COL9A1: variants seen among roughly 807,000 people sequenced by gnomAD.
The protein encoded by COL9A1 is collagen type IX alpha 1 chain, also known as collagen alpha-1(IX) chain.
COL9A1 carries 104 observed loss-of-function variants against 142.6 expected under a neutral mutation model. The ratio of observed to expected loss-of-function variants is 0.73; its 90% CI spans 0.62 to 0.86. The LOEUF is 0.86. Ranked by LOEUF, COL9A1 falls within the 40% of genes least tolerant of loss-of-function variation. The probability of loss-of-function intolerance (pLI) is 0.00; values close to 1 mark genes in which losing one functional copy is unlikely to be tolerated. For synonymous variants in COL9A1, 466 were observed against 396.0 expected, an observed-to-expected ratio of 1.18 and a Z score of -2.10; for missense variants, 1,210 against 1,176.6, an observed-to-expected ratio of 1.03 and a Z score of -0.42.
At position 70,232,581 on chromosome 6, in the gene COL9A1, A is replaced by T; in HGVS notation, c.2503+2T>A. The T allele has an allele frequency of 6.2e-7, 1 of 1,613,692 alleles. No homozygotes were observed. Among genetic ancestry groups the T allele is most frequent in the African/African-American group, 1.3e-5 (1 of 75,026 alleles). ...TGGTTCCACATGGGCAAGATGACTT[A>T]CCTTTAGGTCCCCTCAAACCAAGAG... On this transcript the variant is annotated splice_donor_variant, in intron 36 of 37. Transcript: ENST00000357250. LOFTEE classifies it high-confidence loss of function.
intron 37 of COL9A1, 40 bp downstream of exon 37, chr6:70,225,892 A>G: frequency 6.6e-7 from 1 of 1,518,726 alleles, no homozygotes; most frequent in Non-Finnish European, 9.1e-7. Flanking sequence ...CTTGCTACCA[A>G]TTTCGCTACC....
At chr6:70,237,959 C>A (rs1387062797) in intron 33 of COL9A1, among the ~76,000 whole-genome samples, 2 of 152,052 alleles carry the variant, frequency 1.3e-5, no homozygotes, top group South Asian at 4.2e-4. Flanking sequence ...GAAGAGGAGA[C>A]CAGAACAAGG....
At chr6:70,254,607 C>T (rs973114661) in intron 24 of COL9A1, 78 bp from the exon 25 acceptor site, 46 of 1,351,944 alleles carry the variant, frequency 3.4e-5, no homozygotes, top group East Asian at 9.4e-5. Flanking sequence ...GGAGCACAGA[C>T]GTTTTAAGTA....
At chr6:70,283,349 T>TCTGC in intron 6 of COL9A1, 1 of 971,256 alleles carries the variant, frequency 1.0e-6, no homozygotes, top group South Asian at 1.8e-5. Flanking sequence ...AGCACGCAGC[T>TCTGC]CTGCCTCCAT....
rs1328334666 is a variant in COL9A1, at chr6:70,294,654, C to T, written c.300-91G>A. ...TCCCTTTTGAGGCCATTTTAGATGC[C>T]AGACCTATAGAAAAGCTACAGTGTA... is the stretch of plus-strand genomic sequence containing the variant. On this transcript the variant is annotated intron_variant, in intron 4 of 37. Transcript: ENST00000357250. The T allele has an allele frequency of 2.4e-6, 3 of 1,226,704 alleles. No individual in the cohort carries two copies. The African/African-American group carries it at 4.5e-5, about 18-fold the overall frequency. The allele number at this position is 1,226,704 out of a possible 1,614,324, so 76.0% of individuals were successfully genotyped here.
intron 5 of COL9A1, among the ~76,000 whole-genome samples, chr6:70,291,718 G>A (rs998661042): frequency 1.6e-4 from 25 of 152,170 alleles, no homozygotes; most frequent in African/African-American, 6.0e-4. Context: ...AAATTCTGAA[G>A]GAAAATCACA....
intron 10 of COL9A1, chr6:70,279,825 C>G: frequency 2.0e-6 from 1 of 489,626 alleles, no homozygotes; most frequent in Admixed American, 3.2e-5. Context: ...AAACTGTAGT[C>G]AAAAATTCTT....
In COL9A1 at chr6:70,226,021, TAAAGA is replaced by T. The variant is rs2127552815; in HGVS notation, c.2504-17_2504-13del. Reference sequence around the variant, plus strand: ...TTCTCCCAAGTCACCTGCATTACATTAAAGAAATGTTATTTTTCTACATATCTATA... The same window carrying T: ...TTCTCCCAAGTCACCTGCATTACATTAATGTTATTTTTCTACATATCTATA... On this transcript the variant is annotated splice_polypyrimidine_tract_variant and intron_variant, in intron 36 of 37. Transcript: ENST00000357250. 3 of 1,602,112 alleles carry T rather than the reference TAAAGA, an allele frequency of 1.9e-6. No individual in the cohort carries two copies. The highest frequency in any genetic ancestry group is 2.6e-6 in the Non-Finnish European group (3 of 1,169,776).
intron 5 of COL9A1, among the ~76,000 whole-genome samples, chr6:70,285,121 TA>T (rs753568497): frequency 3.3e-5 from 5 of 152,264 alleles, no homozygotes; most frequent in Non-Finnish European, 5.9e-5. Flanking sequence ...GGTAATTCAT[TA>T]AACTGTTTTC....
At chr6:70,255,807 G>A (rs900206555) in intron 21 of COL9A1, among the ~76,000 whole-genome samples, 3 of 141,946 alleles carry the variant, frequency 2.1e-5, no homozygotes, top group African/African-American at 7.9e-5. Context: ...AATTTCTGTC[G>A]AAGTGATCTA....
At chr6:70,297,028 C>T (rs1170247449) in intron 4 of COL9A1, among the ~76,000 whole-genome samples, 4 of 152,012 alleles carry the variant, frequency 2.6e-5, no homozygotes, top group Non-Finnish European at 5.9e-5. Flanking sequence ...CTGGAAGTCA[C>T]AGTAATGTGT....
intron 34 of COL9A1, 46 bp downstream of exon 34, chr6:70,234,748 G>T: frequency 1.2e-6 from 2 of 1,613,376 alleles, no homozygotes; most frequent in East Asian, 2.2e-5. Context: ...TGCTGCTGTG[G>T]GATGGAGTCT....
Position 70,216,645 on chromosome 6 carries a change from T to G in COL9A1, c.*252A>C. On this transcript the variant is annotated 3_prime_UTR_variant, in exon 38 of 38. Coordinates refer to ENST00000357250, the MANE Select transcript of COL9A1 (RefSeq NM_001851.6). ...AGTATAAATTTATTCAAGGGAGGTG[T>G]TTGGTTTTCTTTTTTTTTTTTTAAC... 20 of 500,222 alleles carry G rather than the reference T, an allele frequency of 4.0e-5. No homozygotes were observed. The highest frequency in any genetic ancestry group is 6.1e-5 in the Non-Finnish European group (17 of 278,438). 31.0% of individuals were successfully genotyped at this position (500,222 alleles called of 1,614,324 possible).
chr6:70,231,091 C>T (rs1159445435), intron 36 of COL9A1, among the ~76,000 whole-genome samples: 1 of 152,180 alleles, frequency 6.6e-6, no homozygotes, highest in Non-Finnish European at 1.5e-5. Context: ...AGCTAGACCT[C>T]GACCCCAGAG....
At chr6:70,283,237 G>T (rs1773290215) in intron 6 of COL9A1, 3 of 1,452,718 alleles carry the variant, frequency 2.1e-6, no homozygotes, top group Non-Finnish European at 2.7e-6. Flanking sequence ...TGGCCCCGGA[G>T]AGGGTCCTGG....
intron 5 of COL9A1, among the ~76,000 whole-genome samples, chr6:70,289,320 G>A (rs1773572286): frequency 6.6e-6 from 1 of 151,994 alleles, no homozygotes; most frequent in Non-Finnish European, 1.5e-5. Context: ...AACACTATGG[G>A]CACAGCTGAG....
chr6:70,268,819 G>A lies in COL9A1; in HGVS notation c.1272C>T (p.Gly424=), dbSNP rs1772204706. The A allele has an allele frequency of 1.2e-6, 2 of 1,613,668 alleles. No individual in the cohort carries two copies. The highest frequency in any genetic ancestry group is 2.7e-5 in the African/African-American group (2 of 74,906). The change falls in exon 17 of 38, where the codon GGC becomes GGT. Residue 424 remains glycine, a synonymous_variant. Coordinates refer to ENST00000357250, the MANE Select transcript of COL9A1 (RefSeq NM_001851.6). ...ATTCTCTTACCCTCATGCCTGGTAG[G>A]CCTGGATATCCTGAGCGACCTGGTG... ...ACPPGRSGYP[G]LPGMRGHKGA...
At position 70,295,053 on chromosome 6, in the gene COL9A1, G is replaced by A. The variant is rs1256954704; in HGVS notation, c.300-490C>T. On this transcript the variant is annotated intron_variant, in intron 4 of 37. Transcript: ENST00000357250. ...TTAAAGTAGCATGTTAAGATTATTT[G>A]TTATTTCCATAATTGCTTGGGTATT... 2.0e-5 allele frequency among the ~76,000 whole-genome samples: 3 copies of A among 152,206 alleles called. No homozygotes were observed. In the South Asian group the frequency reaches 6.2e-4, roughly 32 times the overall value.
rs549617624 is a variant in COL9A1 at position 70,271,999 on chromosome 6, G to T, written c.1089+66C>A. ...AGTAGACCGTTAGTAGGAGAATAAGGTGGGGATTTGAGAAATAGGACATTT... is the reference window on the plus strand; with the variant it reads ...AGTAGACCGTTAGTAGGAGAATAAGTTGGGGATTTGAGAAATAGGACATTT... On this transcript the variant is annotated intron_variant, in intron 13 of 37. Coordinates refer to ENST00000357250, the MANE Select transcript of COL9A1 (RefSeq NM_001851.6). The T allele has an allele frequency of 8.1e-6, 12 of 1,473,856 alleles. No individual in the cohort carries two copies. In the African/African-American group the frequency reaches 1.7e-4, roughly 21 times the overall value. 91.3% of individuals were successfully genotyped at this position (1,473,856 alleles called of 1,614,324 possible). A position where few individuals can be genotyped will look rare whatever the true frequency, so the allele number is the denominator to read the frequency against.
Sources: allele counts gnomAD v4.1 joint callset (sites outside exome capture counted in the v4.1 genomes callset), GRCh38; gene constraint gnomAD v4.1.1; transcripts MANE v1.5; gene names NCBI Gene and HGNC (gene_info 2026-07-23, HGNC 2026-07-21).